Variants in ASTN1 observed in about 807,000 individuals in gnomAD.
The protein encoded by ASTN1 is astrotactin 1.
In ASTN1, 41 loss-of-function variants were observed where a neutral mutation model predicts 140.7. That is an observed-to-expected ratio of 0.29 (90% CI 0.23 to 0.38). The LOEUF (loss-of-function observed/expected upper bound fraction) is 0.38, where lower values mean the gene tolerates loss of function less well. Ranked by LOEUF, ASTN1 falls within the 10% of genes least tolerant of loss-of-function variation. ASTN1 has a pLI of 1.00. For synonymous variants in ASTN1, 640 were observed against 652.2 expected (o/e 0.98, Z 0.29); for missense variants, 1,479 against 1,678.8 (o/e 0.88, Z 2.08).
At chr1:177,022,873 A>G (rs766553963) in intron 7 of ASTN1, among the ~76,000 whole-genome samples, 3 of 152,186 alleles carry the variant, frequency 2.0e-5, no homozygotes, top group Non-Finnish European at 4.4e-5. Flanking sequence ...AAAAGTTATG[A>G]TGGAATGTTA....
intron 1 of ASTN1, among the ~76,000 whole-genome samples, chr1:177,100,209 C>G (rs758822032): frequency 4.6e-5 from 7 of 151,970 alleles, no homozygotes; most frequent in Non-Finnish European, 7.4e-5. Context: ...TTTCACTGTA[C>G]TGAAAACAGA....
intron 1 of ASTN1, among the ~76,000 whole-genome samples, chr1:177,157,373 T>C (rs1440805356): frequency 6.6e-6 from 1 of 152,146 alleles, no homozygotes; most frequent in Non-Finnish European, 1.5e-5. Flanking sequence ...CAGAATGCAG[T>C]GGTAGGATCT....
intron 2 of ASTN1, among the ~76,000 whole-genome samples, chr1:177,052,290 C>A (rs1261920685): frequency 6.6e-6 from 1 of 152,138 alleles, no homozygotes; most frequent in Non-Finnish European, 1.5e-5. Context: ...AAGATTGTTA[C>A]AGGCAGCTTG....
Position 177,032,537 on chromosome 1 carries a change from CCCCTCCGTTCATGCACT to C in ASTN1, c.767_783del (p.Glu256GlyfsTer19). 6.2e-7 allele frequency: 1 copy of C among 1,614,150 alleles called. No individual in the cohort carries two copies. The highest frequency in any genetic ancestry group is 8.5e-7 in the Non-Finnish European group (1 of 1,180,024). On this transcript the variant is annotated frameshift_variant, in exon 3 of 23. Coordinates refer to ENST00000361833, the MANE Select transcript of ASTN1 (RefSeq NM_004319.3). LOFTEE classifies it high-confidence loss of function. ...CGCGTGACCTGGCTGGCAAAGTCCT[CCCCTCCGTTCATGCACT>C]CCCTCTGCAGATGGTGGCGCAGATC...
chr1:177,150,196 C>T (rs1682966035), intron 1 of ASTN1, among the ~76,000 whole-genome samples: 1 of 151,928 alleles, frequency 6.6e-6, no homozygotes, highest in Non-Finnish European at 1.5e-5. Context: ...AGCTTAACTA[C>T]CTTATTAATG....
chr1:177,149,655 G>GTA lies in ASTN1; in HGVS notation c.283+14737_283+14738dup, dbSNP rs549536091. Among the ~76,000 whole-genome samples, 3 of 76,504 alleles carry GTA rather than the reference G, an allele frequency of 3.9e-5. No individual in the cohort carries two copies. In the East Asian group the frequency reaches 1.2e-3, roughly 31 times the overall value. 50.2% of individuals were successfully genotyped at this position (76,504 alleles called of 152,430 possible). The stretch of plus-strand genomic sequence containing the variant: ...TATATATAGTAAATATATATACACT[G>GTA]TATATATATAGTAAATATATATACA... On this transcript the variant is annotated intron_variant, in intron 1 of 22. Transcript: ENST00000361833.
chr1:176,861,717 C>G lies in ASTN1; in HGVS notation c.*2567G>C. ...GTGTGTGTACATACATACACACATT[C>G]AGTGGGGAGAACTCAACGAGAAACA... On this transcript the variant is annotated 3_prime_UTR_variant, in exon 23 of 23. Transcript: ENST00000361833. 1.0e-6 allele frequency: 1 copy of G among 985,090 alleles called. No individual in the cohort carries two copies. 61.0% of individuals were successfully genotyped at this position (985,090 alleles called of 1,614,324 possible).
At chr1:177,072,554 C>T (rs1678693904) in intron 1 of ASTN1, among the ~76,000 whole-genome samples, 1 of 152,172 alleles carries the variant, frequency 6.6e-6, no homozygotes, top group Non-Finnish European at 1.5e-5. Flanking sequence ...AAAAGAAATA[C>T]AAGGTCACTT....
At chr1:176,987,116 C>T (rs1673943744) in intron 8 of ASTN1, among the ~76,000 whole-genome samples, 1 of 152,122 alleles carries the variant, frequency 6.6e-6, no homozygotes, top group Non-Finnish European at 1.5e-5. Flanking sequence ...CACAGGACAG[C>T]CTCTCACAAC....
At chr1:177,077,264 A>T (rs931699285) in intron 1 of ASTN1, among the ~76,000 whole-genome samples, 1 of 151,978 alleles carries the variant, frequency 6.6e-6, no homozygotes, top group African/African-American at 2.4e-5. Flanking sequence ...CTGGCTTGGG[A>T]TGCTCTCCCA....
chr1:177,047,186 A>C (rs1288360567), intron 2 of ASTN1, among the ~76,000 whole-genome samples: 1 of 152,208 alleles, frequency 6.6e-6, no homozygotes, highest in Non-Finnish European at 1.5e-5. Context: ...CCCAGCCCAG[A>C]GAGAAAAGGG....
In ASTN1 at chr1:176,913,749, A is replaced by G. The variant is rs115270011; in HGVS notation, c.2672-18919T>C. The stretch of plus-strand genomic sequence containing the variant: ...TATAGACAGAAGTGAACAAGGCTAC[A>G]AAGAATCTGGTGTGGAGAAGCATCA... On this transcript the variant is annotated intron_variant, in intron 16 of 22. Transcript: ENST00000361833. 5.3e-3 allele frequency among the ~76,000 whole-genome samples: 802 copies of G among 152,336 alleles called. 6 individuals carry two copies. Among genetic ancestry groups the G allele is most frequent in the African/African-American group, 0.018 (763 of 41,584 alleles).
At chr1:177,133,547 G>C (rs938258510) in intron 1 of ASTN1, among the ~76,000 whole-genome samples, 1 of 152,150 alleles carries the variant, frequency 6.6e-6, no homozygotes, top group Non-Finnish European at 1.5e-5. Context: ...AAAGCATCAT[G>C]ATGGGGCAGG....
chr1:176,936,499 G>A, intron 14 of ASTN1, 129 bp from the exon 15 acceptor site: 3 of 713,776 alleles, frequency 4.2e-6, no homozygotes, highest in Admixed American at 5.4e-5. Context: ...CTTTGATGAA[G>A]AGAATTTCTG....
chr1:176,947,275 A>C (rs1056461787), intron 12 of ASTN1, among the ~76,000 whole-genome samples: 1 of 152,210 alleles, frequency 6.6e-6, no homozygotes, highest in African/African-American at 2.4e-5. Flanking sequence ...GCAGTGCCTA[A>C]CACATAGCTA....
chr1:177,134,811 G>T (rs1185886165), intron 1 of ASTN1, among the ~76,000 whole-genome samples: 3 of 152,278 alleles, frequency 2.0e-5, no homozygotes, highest in East Asian at 3.9e-4. Flanking sequence ...GTGAGAAGAG[G>T]TATAATCATT....
At chr1:176,918,777 T>C (rs1475522954) in intron 16 of ASTN1, among the ~76,000 whole-genome samples, 1 of 152,176 alleles carries the variant, frequency 6.6e-6, no homozygotes, top group Non-Finnish European at 1.5e-5. Context: ...ATCTAAGTGG[T>C]GCATTCCTCT....
rs1668952583 is a variant in ASTN1 at position 176,884,589 on chromosome 1, A to T, written c.3075-99T>A. The T allele has an allele frequency of 3.0e-6, 4 of 1,326,834 alleles. No homozygotes were observed. In the Admixed American group the frequency reaches 7.8e-5, roughly 26 times the overall value. 82.2% of individuals were successfully genotyped at this position (1,326,834 alleles called of 1,614,324 possible). On this transcript the variant is annotated intron_variant, in intron 18 of 22. Coordinates refer to ENST00000361833, the MANE Select transcript of ASTN1 (RefSeq NM_004319.3). ...GTGATACTGTAAGCTTTTCTTTCCC[A>T]ACCAACTACAAAAATGATCTCTTTG...
downstream of ASTN1, among the ~76,000 whole-genome samples, chr1:176,859,825 AAT>A (rs1667912183): frequency 6.6e-6 from 1 of 152,314 alleles, no homozygotes; most frequent in African/African-American, 2.4e-5. Context: ...GGCTTAAGGC[AAT>A]AACCATTTTA....
Sources: allele counts gnomAD v4.1 joint callset (sites outside exome capture counted in the v4.1 genomes callset), GRCh38; gene constraint gnomAD v4.1.1; transcripts MANE v1.5; gene names NCBI Gene and HGNC (gene_info 2026-07-23, HGNC 2026-07-21).